The following PHACTR4 variants were observed in gnomAD, a reference collection of about 807,000 sequenced individuals.
PHACTR4 encodes protein phosphatase 1, regulatory subunit 124.
Under a neutral mutation model 72.7 loss-of-function variants are expected in PHACTR4, and 51 were observed. The ratio of observed to expected loss-of-function variants is 0.70; its 90% confidence interval spans 0.56 to 0.89. The LOEUF is 0.89. PHACTR4 is among the 40% of genes least tolerant of loss of function. The pLI is 0.00. For missense variants in PHACTR4, 731 were observed against 861.8 expected, an observed-to-expected ratio of 0.85 and a Z score of 1.90; for synonymous variants, 255 against 302.5, an observed-to-expected ratio of 0.84 and a Z score of 1.63.
intron 2 of PHACTR4, among the ~76,000 whole-genome samples, chr1:28,426,204 G>C (rs905455480): frequency 1.4e-5 from 2 of 144,938 alleles, no homozygotes; most frequent in African/African-American, 5.4e-5. Flanking sequence ...CTGAGCAACA[G>C]AGCGAGAAAC....
At chr1:28,369,963 G>A (rs1651094994) in intron 1 of PHACTR4, 138 bp downstream of exon 1, 1 of 346,360 alleles carries the variant, frequency 2.9e-6, no homozygotes, top group Non-Finnish European at 5.5e-6. Context: ...GGTCGCCGTC[G>A]CTTCGGGCCA....
intron 2 of PHACTR4, among the ~76,000 whole-genome samples, chr1:28,446,511 T>G (rs1395794425): frequency 1.3e-5 from 2 of 152,204 alleles, no homozygotes; most frequent in Non-Finnish European, 2.9e-5. Context: ...CTGGGTGCAG[T>G]GGCTCATGCC....
intron 9 of PHACTR4, among the ~76,000 whole-genome samples, chr1:28,484,080 T>C (rs2124533093): frequency 6.6e-6 from 1 of 152,168 alleles, no homozygotes; most frequent in Non-Finnish European, 1.5e-5. Context: ...CCCAGCACGT[T>C]TGAAGGCCGA....
intron 9 of PHACTR4, 74 bp from the exon 10 acceptor site, chr1:28,489,096 G>C (rs1660882157): frequency 1.6e-6 from 2 of 1,279,572 alleles, no homozygotes; most frequent in East Asian, 2.4e-5. Context: ...AATATATACT[G>C]TGACCAAAAA....
intron 4 of PHACTR4, among the ~76,000 whole-genome samples, chr1:28,462,522 C>T (rs188986347): frequency 7.9e-4 from 120 of 152,204 alleles, no homozygotes; most frequent in African/African-American, 2.8e-3. Flanking sequence ...CATGCATCAC[C>T]ACACCCAGCT....
intron 13 of PHACTR4, among the ~76,000 whole-genome samples, chr1:28,496,309 G>T (rs927954566): frequency 2.6e-5 from 4 of 151,968 alleles, no homozygotes; most frequent in African/African-American, 9.7e-5. Context: ...GCCCGCCTCG[G>T]CCTCCCAAAG....
chr1:28,402,177 A>T (rs1422858273), intron 1 of PHACTR4, among the ~76,000 whole-genome samples: 1 of 152,218 alleles, frequency 6.6e-6, no homozygotes, highest in Non-Finnish European at 1.5e-5. Context: ...TTTTACTGAA[A>T]TGATACAAAA....
chr1:28,414,156 A>G (rs545446207), intron 2 of PHACTR4, among the ~76,000 whole-genome samples: 1 of 152,052 alleles, frequency 6.6e-6, no homozygotes, highest in East Asian at 1.9e-4. Context: ...GCTTACTGCA[A>G]CCTCTGCCTC....
At chr1:28,374,635 C>T (rs191063186) in intron 1 of PHACTR4, among the ~76,000 whole-genome samples, 6 of 152,184 alleles carry the variant, frequency 3.9e-5, no homozygotes, top group Non-Finnish European at 7.4e-5. Flanking sequence ...TGGTTTACTT[C>T]ATTTCCAAAA....
At chr1:28,444,783 T>TTTTTTTTC (rs1657324258) in intron 2 of PHACTR4, among the ~76,000 whole-genome samples, 1 of 82,836 alleles carries the variant, frequency 1.2e-5, no homozygotes, top group African/African-American at 6.3e-5. Flanking sequence ...ACCCAGCTAA[T>TTTTTTTTC]TTTTTTTTTT....
intron 2 of PHACTR4, among the ~76,000 whole-genome samples, chr1:28,427,329 C>G (rs1038715395): frequency 1.3e-5 from 2 of 152,042 alleles, no homozygotes; most frequent in Non-Finnish European, 2.9e-5. Flanking sequence ...AGTTTGAGAT[C>G]AGCCTGGCCA....
At chr1:28,371,197 C>T (rs1420100690) in intron 1 of PHACTR4, among the ~76,000 whole-genome samples, 1 of 152,152 alleles carries the variant, frequency 6.6e-6, no homozygotes, top group Non-Finnish European at 1.5e-5. Flanking sequence ...ACTGTAGCCT[C>T]GAACTTCTTG....
At chr1:28,424,145 A>C (rs1371221767) in intron 2 of PHACTR4, among the ~76,000 whole-genome samples, 1 of 152,162 alleles carries the variant, frequency 6.6e-6, no homozygotes, top group Non-Finnish European at 1.5e-5. Context: ...TGTTTCTTAC[A>C]GGAACTAGAA....
chr1:28,446,118 A>G (rs1434378959), intron 2 of PHACTR4, among the ~76,000 whole-genome samples: 1 of 152,200 alleles, frequency 6.6e-6, no homozygotes, highest in Non-Finnish European at 1.5e-5. Context: ...TCTGCTGTTT[A>G]TCTAACAGTA....
rs1383769633 is a variant in PHACTR4 at position 28,496,943 on chromosome 1, A to G, written c.*394A>G. On this transcript the variant is annotated 3_prime_UTR_variant, in exon 14 of 14. Coordinates refer to ENST00000373839, the MANE Select transcript of PHACTR4 (RefSeq NM_001048183.3). ...GCCCTGCCCTGATTGTGAGACCCAA[A>G]TGTGTAGGCTCTAAATTCCAGCCAT... 9.2e-6 allele frequency: 2 copies of G among 218,418 alleles called. No individual in the cohort carries two copies. Among genetic ancestry groups the G allele is most frequent in the Non-Finnish European group, 1.8e-5 (2 of 110,028 alleles). The allele number at this position is 218,418 out of a possible 1,614,324, so 13.5% of individuals were successfully genotyped here.
intron 1 of PHACTR4, among the ~76,000 whole-genome samples, chr1:28,403,695 AC>A (rs1423443072): frequency 5.9e-5 from 9 of 152,214 alleles, no homozygotes; most frequent in Non-Finnish European, 8.8e-5. Flanking sequence ...CATTTTAATT[AC>A]CCCCCAAAAA....
At chr1:28,440,257 G>T (rs1367557893) in intron 2 of PHACTR4, among the ~76,000 whole-genome samples, 1 of 140,130 alleles carries the variant, frequency 7.1e-6, no homozygotes, top group African/African-American at 2.7e-5. Flanking sequence ...AGCCGAGATC[G>T]TGCCACTGCA....
intron 13 of PHACTR4, among the ~76,000 whole-genome samples, chr1:28,496,020 GAT>G (rs973446000): frequency 6.8e-6 from 1 of 146,606 alleles, no homozygotes; most frequent in Admixed American, 6.8e-5. Context: ...TTATGGAAAA[GAT>G]AGTGTTACAG....
intron 2 of PHACTR4, among the ~76,000 whole-genome samples, chr1:28,409,333 T>C (rs1557794379): frequency 6.6e-6 from 1 of 152,062 alleles, no homozygotes; most frequent in Non-Finnish European, 1.5e-5. Flanking sequence ...ATTATGCATA[T>C]TTCCCACGTA....
Sources: allele counts gnomAD v4.1 joint callset (sites outside exome capture counted in the v4.1 genomes callset), GRCh38; gene constraint gnomAD v4.1.1; transcripts MANE v1.5; gene names NCBI Gene and HGNC (gene_info 2026-07-23, HGNC 2026-07-21).